DPYD: variants seen among roughly 807,000 people sequenced by gnomAD.
The protein encoded by DPYD is dihydropyrimidine dehydrogenase [NADP(+)].
Under a neutral mutation model 116.2 loss-of-function variants are expected in DPYD, and 109 were observed. That is an observed-to-expected ratio of 0.94 (90% CI 0.80 to 1.10). The LOEUF is 1.10. Ranked by LOEUF, DPYD falls within the 50% of genes least tolerant of loss-of-function variation. DPYD has a pLI of 0.00. For synonymous variants in DPYD, 440 were observed against 432.0 expected, an observed-to-expected ratio of 1.02 and a Z score of -0.23; for missense variants, 1,302 against 1,254.5, an observed-to-expected ratio of 1.04 and a Z score of -0.57.
chr1:97,462,546 C>T (rs1002184388), intron 13 of DPYD, among the ~76,000 whole-genome samples: 1 of 151,972 alleles, frequency 6.6e-6, no homozygotes, highest in Admixed American at 6.6e-5. Context: ...CTCATTCTAC[C>T]CTCCTCCTTT....
rs145105217 is a variant in DPYD at position 97,466,996 on chromosome 1, A to T, written c.1741-16773T>A. On this transcript the variant is annotated intron_variant, in intron 13 of 22. Coordinates refer to ENST00000370192, the MANE Select transcript of DPYD (RefSeq NM_000110.4). ...AAATAAAGGAAAAACTTGAGATCCT[A>T]CAAGAAAAATTCCAGGCACCTAGCT... Among the ~76,000 whole-genome samples, 1,094 of 152,322 alleles carry T rather than the reference A, an allele frequency of 7.2e-3. 14 individuals carry two copies. The highest frequency in any genetic ancestry group is 0.025 in the African/African-American group (1,042 of 41,572).
intron 14 of DPYD, among the ~76,000 whole-genome samples, chr1:97,435,016 T>G (rs1027147538): frequency 1.3e-5 from 2 of 152,020 alleles, no homozygotes; most frequent in Admixed American, 6.6e-5. Context: ...GAAACTGTTA[T>G]GTTTTCAATT....
At chr1:97,875,470 C>A (rs974250035) in intron 2 of DPYD, among the ~76,000 whole-genome samples, 2 of 151,960 alleles carry the variant, frequency 1.3e-5, no homozygotes, top group African/African-American at 2.4e-5. Context: ...AAATCTACAA[C>A]TAGACTCTAA....
At chr1:97,735,915 T>C (rs1423232095) in intron 4 of DPYD, among the ~76,000 whole-genome samples, 1 of 151,704 alleles carries the variant, frequency 6.6e-6, no homozygotes, top group Non-Finnish European at 1.5e-5. Context: ...TTATCTATAA[T>C]AAAACCCCCA....
Position 97,196,677 on chromosome 1 carries a change from C to T in DPYD, c.2443-3429G>A, listed in dbSNP as rs551155356. 8.5e-5 allele frequency among the ~76,000 whole-genome samples: 13 copies of T among 152,186 alleles called. No homozygotes were observed. In the East Asian group the frequency reaches 2.5e-3, roughly 29 times the overall value. ...CCTAAAAGATAGGTTTAATTTTCAG[C>T]CCCATTTTACAGGTGAGGAAAGTGA... On this transcript the variant is annotated intron_variant, in intron 19 of 22. Coordinates refer to ENST00000370192, the MANE Select transcript of DPYD (RefSeq NM_000110.4).
chr1:97,263,486 C>G (rs1399317256), intron 18 of DPYD, among the ~76,000 whole-genome samples: 1 of 152,030 alleles, frequency 6.6e-6, no homozygotes, highest in Admixed American at 6.6e-5. Context: ...AAATAGTTTA[C>G]AATTTTAATA....
chr1:97,636,192 T>C (rs1657549901), intron 8 of DPYD, among the ~76,000 whole-genome samples: 1 of 152,054 alleles, frequency 6.6e-6, no homozygotes, highest in African/African-American at 2.4e-5. Context: ...TTGGCTTCAT[T>C]CCCATCTCTC....
At chr1:97,370,864 C>T (rs950025904) in intron 16 of DPYD, among the ~76,000 whole-genome samples, 6 of 152,040 alleles carry the variant, frequency 3.9e-5, no homozygotes, top group Non-Finnish European at 8.8e-5. Flanking sequence ...CTTAGCAATG[C>T]TGAGGTGTTT....
intron 19 of DPYD, among the ~76,000 whole-genome samples, chr1:97,198,098 A>G (rs1425441769): frequency 3.3e-5 from 5 of 152,150 alleles, no homozygotes; most frequent in Non-Finnish European, 4.4e-5. Flanking sequence ...GCACATACAA[A>G]TCAGGTGGGG....
chr1:97,325,839 A>C (rs1377604220), intron 16 of DPYD, among the ~76,000 whole-genome samples: 1 of 151,894 alleles, frequency 6.6e-6, no homozygotes, highest in Non-Finnish European at 1.5e-5. Flanking sequence ...TATCATATGA[A>C]ATGGGAAGGA....
At chr1:97,173,354 A>ATG (rs1331767720) in intron 20 of DPYD, among the ~76,000 whole-genome samples, 4 of 149,830 alleles carry the variant, frequency 2.7e-5, no homozygotes, top group African/African-American at 2.5e-5. Context: ...GCACACATAT[A>ATG]TGTACATATA....
intron 8 of DPYD, among the ~76,000 whole-genome samples, chr1:97,656,824 T>A (rs748205588): frequency 4.3e-4 from 65 of 151,756 alleles, no homozygotes; most frequent in Middle Eastern, 3.4e-3. Context: ...TTTTATTTTT[T>A]TTTTTTTCAA....
At chr1:97,771,061 T>C (rs2101160612) in intron 3 of DPYD, among the ~76,000 whole-genome samples, 1 of 152,264 alleles carries the variant, frequency 6.6e-6, no homozygotes, top group South Asian at 2.1e-4. Context: ...CTTATGCCTG[T>C]AATCCCAGTA....
At chr1:97,567,466 G>A (rs1054712401) in intron 11 of DPYD, among the ~76,000 whole-genome samples, 7 of 152,044 alleles carry the variant, frequency 4.6e-5, no homozygotes, top group Non-Finnish European at 1.0e-4. Flanking sequence ...CAGTGAGTGA[G>A]CAGAAAGAAA....
chr1:97,786,307 A>G (rs1454336963), intron 3 of DPYD, among the ~76,000 whole-genome samples: 1 of 152,210 alleles, frequency 6.6e-6, no homozygotes, highest in Non-Finnish European at 1.5e-5. Flanking sequence ...AAATTCATGG[A>G]TTCTTTTAAC....
intron 18 of DPYD, among the ~76,000 whole-genome samples, chr1:97,243,916 T>A (rs1355304469): frequency 1.3e-5 from 2 of 151,874 alleles, no homozygotes; most frequent in African/African-American, 4.8e-5. Flanking sequence ...CTAAAGATAA[T>A]TATGTCCAAG....
intron 16 of DPYD, among the ~76,000 whole-genome samples, chr1:97,329,506 G>A (rs1035324401): frequency 2.6e-5 from 4 of 151,858 alleles, no homozygotes; most frequent in African/African-American, 7.3e-5. Flanking sequence ...CAGCAATTTG[G>A]GAGGCCCAGG....
chr1:97,918,409 C>T (rs1674334311), intron 1 of DPYD, among the ~76,000 whole-genome samples: 1 of 152,136 alleles, frequency 6.6e-6, no homozygotes, highest in Non-Finnish European at 1.5e-5. Flanking sequence ...AACATGATTT[C>T]TCATGCAACT....
chr1:97,310,359 T>A (rs1233553786), intron 16 of DPYD, among the ~76,000 whole-genome samples: 1 of 151,768 alleles, frequency 6.6e-6, no homozygotes, highest in Non-Finnish European at 1.5e-5. Context: ...GTCCTAAACC[T>A]TCATCTTCTT....
Sources: gnomAD v4.1 joint callset for allele counts (sites outside exome capture counted in the v4.1 genomes callset) on GRCh38, gnomAD v4.1.1 for gene constraint, MANE v1.5 for transcripts, NCBI Gene and HGNC (gene_info 2026-07-23, HGNC 2026-07-21) for gene names.